DLGAP2: variants seen among roughly 807,000 people sequenced by gnomAD.
The protein encoded by DLGAP2 is DLG associated protein 2.
DLGAP2 carries 26 observed loss-of-function variants against 100.3 expected under a neutral mutation model. That is an observed-to-expected ratio of 0.26 (90% CI 0.19 to 0.36). DLGAP2 has a LOEUF of 0.36. Ranked by LOEUF, DLGAP2 falls within the 10% of genes least tolerant of loss-of-function variation. The pLI is 1.00. For synonymous variants in DLGAP2, 886 were observed against 630.1 expected, an observed-to-expected ratio of 1.41 and a Z score of -6.08; for missense variants, 1,858 against 1,453.2, an observed-to-expected ratio of 1.28 and a Z score of -4.53.
intron 2 of DLGAP2, among the ~76,000 whole-genome samples, chr8:1,061,180 G>A (rs376046372): frequency 3.9e-5 from 6 of 152,150 alleles, no homozygotes; most frequent in Non-Finnish European, 7.3e-5. Flanking sequence ...AGCCTTGTTC[G>A]TGGTGAGCCA....
At chr8:1,197,437 A>G (rs1585143095) in intron 2 of DLGAP2, among the ~76,000 whole-genome samples, 1 of 152,354 alleles carries the variant, frequency 6.6e-6, no homozygotes, top group Non-Finnish European at 1.5e-5. Flanking sequence ...AATGCTGTAG[A>G]AAAAGGGCTA....
chr8:1,330,673 C>T (rs1160098941), intron 3 of DLGAP2, among the ~76,000 whole-genome samples: 6 of 127,466 alleles, frequency 4.7e-5, no homozygotes, highest in Non-Finnish European at 6.5e-5. Flanking sequence ...GTGGGAGCAC[C>T]GCTTCATGGG....
At chr8:1,253,993 G>A (rs760710324) in intron 2 of DLGAP2, among the ~76,000 whole-genome samples, 3 of 152,184 alleles carry the variant, frequency 2.0e-5, no homozygotes, top group Admixed American at 6.5e-5. Context: ...ATTTTGGTTC[G>A]CGTTGGACGA....
chr8:1,170,748 A>G (rs1797111772), intron 2 of DLGAP2, among the ~76,000 whole-genome samples: 1 of 149,724 alleles, frequency 6.7e-6, no homozygotes, highest in African/African-American at 2.5e-5. Flanking sequence ...ATCATTTTTT[A>G]TTGCATCTAT....
intron 1 of DLGAP2, among the ~76,000 whole-genome samples, chr8:811,848 G>A (rs1796376113): frequency 6.6e-6 from 1 of 152,278 alleles, no homozygotes; most frequent in Non-Finnish European, 1.5e-5. Flanking sequence ...GCTTCGCTGA[G>A]CCATGGGACC....
chr8:1,148,605 A>T (rs73670652), intron 2 of DLGAP2, among the ~76,000 whole-genome samples: 27,662 of 152,012 alleles, frequency 0.18, 2,729 homozygotes, highest in Middle Eastern at 0.32. Flanking sequence ...CTCGAGTATT[A>T]ACATTTAATA....
chr8:1,492,703 G>A (rs901836886), intron 3 of DLGAP2, among the ~76,000 whole-genome samples: 4 of 152,164 alleles, frequency 2.6e-5, no homozygotes, highest in Admixed American at 6.5e-5. Flanking sequence ...TGGACCCCCC[G>A]CCTCCCTGAC....
intron 1 of DLGAP2, among the ~76,000 whole-genome samples, chr8:894,180 G>A (rs11779033): frequency 0.27 from 40,787 of 152,110 alleles, 5,726 homozygotes; most frequent in Non-Finnish European, 0.31. Flanking sequence ...CCCTTGGGTG[G>A]GAGACGCCCC....
intron 8 of DLGAP2, among the ~76,000 whole-genome samples, chr8:1,660,719 G>T (rs946608769): frequency 2.6e-5 from 4 of 152,172 alleles, no homozygotes; most frequent in Non-Finnish European, 4.4e-5. Context: ...ATTTTTAGGG[G>T]ATTAAAAATA....
chr8:1,690,217 A>G (rs963851487), intron 12 of DLGAP2, among the ~76,000 whole-genome samples: 2 of 151,960 alleles, frequency 1.3e-5, no homozygotes, highest in Non-Finnish European at 2.9e-5. Flanking sequence ...TTAGCCAGGC[A>G]TGGTGGCATG....
intron 3 of DLGAP2, among the ~76,000 whole-genome samples, chr8:1,464,227 T>G (rs571423762): frequency 2.0e-5 from 3 of 146,446 alleles, no homozygotes; most frequent in South Asian, 2.2e-4. Context: ...GACGGCTCCC[T>G]TCCAGGACGA....
intron 8 of DLGAP2, among the ~76,000 whole-genome samples, chr8:1,666,804 G>A (rs942588384): frequency 2.6e-5 from 4 of 152,168 alleles, no homozygotes; most frequent in African/African-American, 7.2e-5. Context: ...TGACATTAGA[G>A]GTCAGAGTGG....
intron 1 of DLGAP2, among the ~76,000 whole-genome samples, chr8:798,544 G>T (rs1359531175): frequency 7.5e-6 from 1 of 133,336 alleles, no homozygotes; most frequent in East Asian, 2.3e-4. Context: ...GTGCCCCGGC[G>T]CTGGCCAGGT....
At chr8:1,082,678 G>T (rs1020084479) in intron 2 of DLGAP2, among the ~76,000 whole-genome samples, 2 of 152,214 alleles carry the variant, frequency 1.3e-5, no homozygotes, top group African/African-American at 4.8e-5. Context: ...GGACTGCTGG[G>T]AGATCAGAGG....
chr8:826,712 T>C (rs765618598), intron 1 of DLGAP2, among the ~76,000 whole-genome samples: 1 of 152,200 alleles, frequency 6.6e-6, no homozygotes, highest in Non-Finnish European at 1.5e-5. Context: ...CACTCGGTCA[T>C]GCTGACTTGT....
At chr8:1,170,396 A>T (rs866906529) in intron 2 of DLGAP2, among the ~76,000 whole-genome samples, 23 of 152,314 alleles carry the variant, frequency 1.5e-4, no homozygotes, top group Non-Finnish European at 2.5e-4. Context: ...TGCTGGCCTC[A>T]TAAAATGAGT....
At chr8:1,318,411 T>C (rs1488661825) in intron 3 of DLGAP2, among the ~76,000 whole-genome samples, 1 of 151,350 alleles carries the variant, frequency 6.6e-6, no homozygotes, top group Non-Finnish European at 1.5e-5. Context: ...CCATATCTAG[T>C]TCACCCAGAT....
intron 2 of DLGAP2, among the ~76,000 whole-genome samples, chr8:1,193,888 C>A (rs1370746071): frequency 1.3e-5 from 2 of 152,168 alleles, no homozygotes; most frequent in Non-Finnish European, 2.9e-5. Flanking sequence ...GCCGCCCCCG[C>A]CTCCTGTCCC....
intron 6 of DLGAP2, chr8:1,622,224 G>C (rs1388491226): frequency 6.6e-6 from 1 of 152,158 alleles, no homozygotes; most frequent in East Asian, 1.9e-4. Flanking sequence ...TCTTATATTT[G>C]GGAGCTTCTC....
Sources: allele counts gnomAD v4.1 joint callset (sites outside exome capture counted in the v4.1 genomes callset), GRCh38; gene constraint gnomAD v4.1.1; transcripts MANE v1.5; gene names NCBI Gene and HGNC (gene_info 2026-07-23, HGNC 2026-07-21).